Variants in ZBTB10 observed in about 807,000 individuals in gnomAD.
ZBTB10 encodes zinc finger and BTB domain containing 10, also known as zinc finger and BTB domain-containing protein 10.
In ZBTB10, 32 loss-of-function variants were observed where a neutral mutation model predicts 76.4. That is an observed-to-expected ratio of 0.42 (90% CI 0.32 to 0.56). ZBTB10 has a LOEUF of 0.56. Among genes scored for constraint, ZBTB10 ranks in the 20% least tolerant of loss-of-function variants. The pLI is 0.14. For missense variants in ZBTB10, 1,057 were observed against 1,098.5 expected (o/e 0.96, Z 0.53); for synonymous variants, 523 against 432.9 (o/e 1.21, Z -2.58).
chr8:80,518,366 A>G, intron 3 of ZBTB10, 37 bp from the exon 4 acceptor site: 3 of 1,521,634 alleles, frequency 2.0e-6, no homozygotes, highest in Non-Finnish European at 2.7e-6. Context: ...ACAGATCTTT[A>G]TTACCATTAT....
Position 80,520,883 on chromosome 8 carries a change from G to C in ZBTB10, c.*1355G>C, listed in dbSNP as rs1816435062. 6.6e-6 allele frequency: 1 copy of C among 151,882 alleles called. No homozygotes were observed. Among genetic ancestry groups the C allele is most frequent in the Non-Finnish European group, 1.5e-5 (1 of 67,838 alleles). 9.4% of individuals were successfully genotyped at this position (151,882 alleles called of 1,614,324 possible). ...TTAGCTGATTGTGGAACTCTCAGCA[G>C]CATTTCACGTATTGTTAACATGTAT... On this transcript the variant is annotated 3_prime_UTR_variant, in exon 6 of 6. Coordinates refer to ENST00000455036, the MANE Select transcript of ZBTB10 (RefSeq NM_001105539.3).
At chr8:80,490,690 C>A (rs1285490221) in intron 1 of ZBTB10, among the ~76,000 whole-genome samples, 1 of 152,158 alleles carries the variant, frequency 6.6e-6, no homozygotes. Flanking sequence ...GTCTTAAAAA[C>A]ATGGAAATGA....
chr8:80,508,924 A>T (rs1365225414), intron 2 of ZBTB10, among the ~76,000 whole-genome samples: 3 of 152,204 alleles, frequency 2.0e-5, no homozygotes, highest in Non-Finnish European at 4.4e-5. Flanking sequence ...AAAAAGTTTA[A>T]GAGCATTTTT....
upstream of ZBTB10, chr8:80,486,017 C>T (rs1815437355): frequency 9.3e-7 from 1 of 1,069,998 alleles, no homozygotes; most frequent in African/African-American, 1.7e-5. Context: ...CTTTTGTCCC[C>T]AACCCCTCGG....
upstream of ZBTB10, chr8:80,485,903 A>C: frequency 6.5e-7 from 1 of 1,533,806 alleles, no homozygotes; most frequent in Non-Finnish European, 8.7e-7. Context: ...GGCAGCGGGG[A>C]GGCGGCCAGA....
In ZBTB10 at chr8:80,486,952, CCGCCGCCAG is replaced by C. The variant is rs928029727; in HGVS notation, c.150_158del (p.Pro52_Ala54del). The C allele has an allele frequency of 2.4e-5, 36 of 1,513,594 alleles. No homozygotes were observed. The highest frequency in any genetic ancestry group is 1.0e-4 in the African/African-American group (7 of 69,252). 93.8% of individuals were successfully genotyped at this position (1,513,594 alleles called of 1,614,324 possible). On this transcript the variant is annotated inframe_deletion, in exon 1 of 6. Coordinates refer to ENST00000455036, the MANE Select transcript of ZBTB10 (RefSeq NM_001105539.3). ...TCCGCAGCCCCAGCCGAGACAGCCC[CCGCCGCCAG>C]CGCCGCCCGCGCTTCAGCCGCCTAA...
chr8:80,501,676 A>G (rs938777647), intron 2 of ZBTB10, among the ~76,000 whole-genome samples: 4 of 151,148 alleles, frequency 2.6e-5, no homozygotes, highest in Non-Finnish European at 4.4e-5. Flanking sequence ...TTGTGTATGT[A>G]TGTGTGTGTG....
chr8:80,499,218 C>T (rs1159996886), intron 1 of ZBTB10, among the ~76,000 whole-genome samples: 2 of 152,048 alleles, frequency 1.3e-5, no homozygotes, highest in Non-Finnish European at 2.9e-5. Flanking sequence ...AAGAAATTCT[C>T]AATTCATGTT....
intron 3 of ZBTB10, among the ~76,000 whole-genome samples, chr8:80,517,482 C>A (rs1191171649): frequency 6.6e-6 from 1 of 152,124 alleles, no homozygotes; most frequent in East Asian, 1.9e-4. Flanking sequence ...TTGATTCTAT[C>A]TTCTGCACGT....
intron 3 of ZBTB10, among the ~76,000 whole-genome samples, chr8:80,515,142 TTATC>T (rs1174323972): frequency 6.6e-6 from 1 of 152,194 alleles, no homozygotes; most frequent in Non-Finnish European, 1.5e-5. Context: ...TATACGGTGG[TTATC>T]TAGGAGCATG....
At chr8:80,492,602 C>T (rs909217967) in intron 1 of ZBTB10, among the ~76,000 whole-genome samples, 1 of 152,006 alleles carries the variant, frequency 6.6e-6, no homozygotes, top group African/African-American at 2.4e-5. Context: ...CCTCAACCTC[C>T]TGATTAGCTG....
Position 80,499,506 on chromosome 8 carries a change from C to T in ZBTB10, c.985C>T (p.Pro329Ser). 1 of 1,583,866 alleles carries T rather than the reference C, an allele frequency of 6.3e-7. No homozygotes were observed. Among genetic ancestry groups the T allele is most frequent in the South Asian group, 1.2e-5 (1 of 85,038 alleles). The change falls in exon 2 of 6, where the codon CCA becomes TCA. Residue 329 changes from proline (P) to serine (S), a missense_variant. Physicochemically the swap from Pro to Ser is moderately conservative, Grantham distance 74. Transcript: ENST00000455036. ...HEANAQESEI[P>S]SEEGYCDFNS... The stretch of plus-strand genomic sequence containing the variant: ...TATCCAATTACAGGAGTCAGAAATA[C>T]CATCAGAGGAGGGGTACTGTGACTT...
intron 3 of ZBTB10, among the ~76,000 whole-genome samples, chr8:80,517,708 T>G (rs1018652689): frequency 2.0e-5 from 3 of 152,100 alleles, no homozygotes; most frequent in African/African-American, 7.2e-5. Context: ...AATATCCCAT[T>G]TGATAGCTGG....
At chr8:80,498,685 C>A (rs1815847509) in intron 1 of ZBTB10, among the ~76,000 whole-genome samples, 1 of 152,322 alleles carries the variant, frequency 6.6e-6, no homozygotes, top group Non-Finnish European at 1.5e-5. Context: ...ATGGCTGATA[C>A]AGACAGCATT....
Position 80,523,313 on chromosome 8 carries a change from T to A in ZBTB10, c.*3785T>A, listed in dbSNP as rs926585536. 3.3e-5 allele frequency: 5 copies of A among 151,974 alleles called. No individual in the cohort carries two copies. The highest frequency in any genetic ancestry group is 1.2e-4 in the African/African-American group (5 of 41,426). 9.4% of individuals were successfully genotyped at this position (151,974 alleles called of 1,614,324 possible). On this transcript the variant is annotated 3_prime_UTR_variant, in exon 6 of 6. Transcript: ENST00000455036. Reference sequence around the variant, plus strand: ...GAGTCTATGGATTATATTTTTCCTATAAGACAGCTGTGTTTAGAATTTTGA... The same window carrying A: ...GAGTCTATGGATTATATTTTTCCTAAAAGACAGCTGTGTTTAGAATTTTGA...
intron 2 of ZBTB10, among the ~76,000 whole-genome samples, chr8:80,505,816 A>G (rs556388319): frequency 3.5e-4 from 53 of 151,480 alleles, no homozygotes; most frequent in African/African-American, 9.7e-4. Flanking sequence ...AGAAACCTCA[A>G]CCTCCTGGGC....
In ZBTB10 at chr8:80,487,242, G is replaced by T; in HGVS notation, c.432G>T (p.Glu144Asp). Residue 144 changes from glutamate (E) to aspartate (D), a missense_variant, in exon 1 of 6, where the codon GAG becomes GAT. This residue lies in a region of ZBTB10 where 556 missense variants were observed against 451.7 expected (regional missense o/e 1.23). Coordinates refer to ENST00000455036, the MANE Select transcript of ZBTB10 (RefSeq NM_001105539.3). ...GNNGSSRGRP[E>D]TSVWPLRHFN... Reference sequence around the variant, plus strand: ...ATGGCAGTAGCCGCGGCCGCCCCGAGACCTCGGTGTGGCCCTTGAGGCATT... The same window carrying T: ...ATGGCAGTAGCCGCGGCCGCCCCGATACCTCGGTGTGGCCCTTGAGGCATT... The T allele has an allele frequency of 6.5e-7, 1 of 1,549,522 alleles. No homozygotes were observed. The highest frequency in any genetic ancestry group is 8.7e-7 in the Non-Finnish European group (1 of 1,149,316).
rs535644860 is a variant in ZBTB10 at position 80,520,372 on chromosome 8, T to C, written c.*844T>C. On this transcript the variant is annotated 3_prime_UTR_variant, in exon 6 of 6. Transcript: ENST00000455036. ...ATATTTTCTGACATGGTATTTGGTT[T>C]TGGGTATCTGTTACTTTGGCACTAT... 1 of 152,680 alleles carries C rather than the reference T, an allele frequency of 6.5e-6. No homozygotes were observed. Among genetic ancestry groups the C allele is most frequent in the South Asian group, 2.1e-4 (1 of 4,830 alleles). 9.5% of individuals were successfully genotyped at this position (152,680 alleles called of 1,614,324 possible). A position where few individuals can be genotyped will look rare whatever the true frequency, so the allele number is the denominator to read the frequency against.
chr8:80,499,688 T>C lies in ZBTB10; in HGVS notation c.1167T>C (p.Phe389=), dbSNP rs965805483. The change falls in exon 2 of 6, where the codon TTT becomes TTC. Residue 389 remains phenylalanine (F), a synonymous_variant. Transcript: ENST00000455036. ...KNILVAGSRF[F]KTLYCFSNKE... ...TCCTGGTTGCAGGCAGCCGTTTCTT[T>C]AAGACTTTATATTGCTTTTCAAACA... The C allele has an allele frequency of 2.5e-6, 4 of 1,613,866 alleles. No individual in the cohort carries two copies. The African/African-American group carries it at 4.0e-5, about 16-fold the overall frequency.
Sources: allele counts gnomAD v4.1 joint callset (sites outside exome capture counted in the v4.1 genomes callset), GRCh38; gene constraint gnomAD v4.1.1; regional missense constraint gnomAD v4.1.1; transcripts MANE v1.5; gene names NCBI Gene and HGNC (gene_info 2026-07-23, HGNC 2026-07-21).